DPP6: variants seen among roughly 807,000 people sequenced by gnomAD.
DPP6 encodes the protein A-type potassium channel modulatory protein DPP6.
Under a neutral mutation model 122.6 loss-of-function variants are expected in DPP6, and 69 were observed. The ratio of observed to expected loss-of-function variants is 0.56; its 90% confidence interval spans 0.46 to 0.69. The LOEUF is 0.69. Ranked by LOEUF, DPP6 falls within the 30% of genes least tolerant of loss-of-function variation. The probability of loss-of-function intolerance (pLI) is 0.00; values close to 1 mark genes in which losing one functional copy is unlikely to be tolerated. For synonymous variants in DPP6, 418 were observed against 433.1 expected (o/e 0.97, Z 0.43); for missense variants, 928 against 1,116.9 (o/e 0.83, Z 2.41).
chr7:154,847,754 A>T (rs932191817), intron 16 of DPP6, among the ~76,000 whole-genome samples: 5 of 152,166 alleles, frequency 3.3e-5, no homozygotes, highest in Non-Finnish European at 7.3e-5. Context: ...TACAATAGAC[A>T]CCAAAAGGTA....
intron 5 of DPP6, among the ~76,000 whole-genome samples, chr7:154,575,458 G>GTGGTATGTGTGTATGTGTGTA (rs1831563893): frequency 5.7e-5 from 6 of 105,224 alleles, no homozygotes; most frequent in African/African-American, 2.0e-4. Flanking sequence ...GTATGTGTGT[G>GTGGTATGTGTGTATGTGTGTA]NGCGGGTGTA....
At chr7:153,982,525 A>G (rs185236127) in intron 1 of DPP6, among the ~76,000 whole-genome samples, 23 of 152,076 alleles carry the variant, frequency 1.5e-4, no homozygotes, top group Admixed American at 1.2e-3. Context: ...GTTATTATCC[A>G]CCTTCTGAAG....
chr7:153,829,463 G>C, the DPP6 span, among the ~76,000 whole-genome samples: 1 of 151,964 alleles, frequency 6.6e-6, no homozygotes, highest in African/African-American at 2.4e-5. Context: ...ATCTGCCCAC[G>C]TTGGCCTCCC....
chr7:154,731,539 ACACTGGCTGTGAACTCAG>A (rs1038245090), intron 8 of DPP6, among the ~76,000 whole-genome samples: 8 of 152,210 alleles, frequency 5.3e-5, no homozygotes, highest in Non-Finnish European at 1.0e-4. Flanking sequence ...TGTGAGCTCA[ACACTGGCTGTGAACTCAG>A]CACTGGCTGT....
At chr7:153,759,923 C>G in the DPP6 span, among the ~76,000 whole-genome samples, 1 of 151,770 alleles carries the variant, frequency 6.6e-6, no homozygotes, top group Non-Finnish European at 1.5e-5. Context: ...CTGTCTCTCT[C>G]TCTCTCTCTC....
intron 1 of DPP6, among the ~76,000 whole-genome samples, chr7:153,903,478 A>G (rs1585008404): frequency 6.6e-6 from 1 of 152,232 alleles, no homozygotes; most frequent in South Asian, 2.1e-4. Flanking sequence ...TTCAATGAGA[A>G]AACTGCCCAG....
intron 1 of DPP6, among the ~76,000 whole-genome samples, chr7:154,138,118 G>GT (rs1183049810): frequency 6.6e-6 from 1 of 152,178 alleles, no homozygotes; most frequent in Non-Finnish European, 1.5e-5. Context: ...CAAACGAGGT[G>GT]TTTTTGTGAA....
chr7:154,379,206 A>G (rs1339583693), intron 1 of DPP6, among the ~76,000 whole-genome samples: 1 of 152,156 alleles, frequency 6.6e-6, no homozygotes, highest in Non-Finnish European at 1.5e-5. Flanking sequence ...AGACCCCAAG[A>G]ACAGAGCTGC....
At chr7:154,559,908 A>T (rs773974168) in intron 4 of DPP6, among the ~76,000 whole-genome samples, 6 of 144,200 alleles carry the variant, frequency 4.2e-5, no homozygotes, top group South Asian at 4.5e-4. Flanking sequence ...TTTTTCTCTT[A>T]AAAAAAATAA....
intron 8 of DPP6, among the ~76,000 whole-genome samples, chr7:154,737,038 G>A (rs549563022): frequency 6.6e-6 from 1 of 152,316 alleles, no homozygotes; most frequent in South Asian, 2.1e-4. Context: ...GGAAGGACAT[G>A]GTCTTCTTAC....
At chr7:154,330,630 A>G (rs1025368999) in intron 1 of DPP6, among the ~76,000 whole-genome samples, 1 of 152,192 alleles carries the variant, frequency 6.6e-6, no homozygotes, top group Admixed American at 6.5e-5. Context: ...CAATGGAGCA[A>G]ACATACATTC....
chr7:153,827,907 T>A, the DPP6 span, among the ~76,000 whole-genome samples: 1 of 152,130 alleles, frequency 6.6e-6, no homozygotes, highest in African/African-American at 2.4e-5. Context: ...TACCCTCCAC[T>A]GGGGGTTGTC....
intron 5 of DPP6, among the ~76,000 whole-genome samples, chr7:154,623,651 A>ACGCACCCACGCGCG (rs55655116): frequency 4.1e-4 from 60 of 144,672 alleles, no homozygotes; most frequent in Admixed American, 1.4e-3. Context: ...ACGCGCACAC[A>ACGCACCCACGCGCG]CGCGCACACA....
At chr7:154,801,549 C>A in intron 13 of DPP6, 87 bp downstream of exon 13, 1 of 1,450,450 alleles carries the variant, frequency 6.9e-7, no homozygotes, top group Non-Finnish European at 9.1e-7. Context: ...GGCACACTTG[C>A]GTTTTCGAGG....
intron 19 of DPP6, among the ~76,000 whole-genome samples, chr7:154,873,367 G>A (rs887757487): frequency 4.6e-5 from 7 of 152,174 alleles, no homozygotes; most frequent in Non-Finnish European, 7.4e-5. Context: ...CACCTGGACC[G>A]TTGAGCAAAT....
the DPP6 span, among the ~76,000 whole-genome samples, chr7:153,855,450 C>T: frequency 1.1e-4 from 16 of 152,098 alleles, no homozygotes; most frequent in East Asian, 1.9e-4. Context: ...TAATCCACTG[C>T]GTGAACTTTG....
Position 154,801,468 on chromosome 7 carries a change from TC to T in DPP6, c.1407+8del. On this transcript the variant is annotated splice_region_variant and intron_variant, in intron 13 of 25. Transcript: ENST00000377770. The stretch of plus-strand genomic sequence containing the variant: ...TCACGGTGTCCTCGTCCCAGGTAAG[TC>T]CTGCTAGTTTCCGGAGCTGAACTAG... The T allele has an allele frequency of 6.4e-7, 1 of 1,564,652 alleles. No homozygotes were observed.
At chr7:154,713,561 C>G (rs540644441) in intron 7 of DPP6, among the ~76,000 whole-genome samples, 4 of 152,360 alleles carry the variant, frequency 2.6e-5, no homozygotes, top group African/African-American at 9.6e-5. Flanking sequence ...CCCAACATCA[C>G]ATGGAATTTG....
intron 1 of DPP6, among the ~76,000 whole-genome samples, chr7:154,297,079 T>TG (rs372918153): frequency 0.11 from 14,214 of 128,512 alleles, 947 homozygotes; most frequent in African/African-American, 0.28. Context: ...TTTTTTTTGT[T>TG]TTGTTTTTCT....
Sources: gnomAD v4.1 joint callset for allele counts (sites outside exome capture counted in the v4.1 genomes callset) on GRCh38, gnomAD v4.1.1 for gene constraint, MANE v1.5 for transcripts, NCBI Gene and HGNC (gene_info 2026-07-23, HGNC 2026-07-21) for gene names.